LYPLAL1: variants seen among roughly 807,000 people sequenced by gnomAD.
LYPLAL1 encodes the protein lysophospholipase-like protein 1.
A neutral mutation model predicts 19.7 loss-of-function variants in LYPLAL1; 23 were observed. The observed-to-expected ratio is 1.17, with a 90% CI of 0.84 to 1.65. The LOEUF is 1.65. Ranked by LOEUF, LYPLAL1 falls within the 40% of genes most tolerant of loss-of-function variation. The pLI is 0.00. For missense variants in LYPLAL1, 355 were observed against 279.4 expected, an observed-to-expected ratio of 1.27 and a Z score of -1.93; for synonymous variants, 119 against 96.3, an observed-to-expected ratio of 1.24 and a Z score of -1.38.
At chr1:219,294,445 TC>T in the LYPLAL1 span, among the ~76,000 whole-genome samples, 127 of 152,312 alleles carry the variant, frequency 8.3e-4, 3 homozygotes, top group South Asian at 0.025. Context: ...AGACAGAAGC[TC>T]CCAACTGTGG....
At chr1:219,375,104 A>G in the LYPLAL1 span, among the ~76,000 whole-genome samples, 1 of 152,210 alleles carries the variant, frequency 6.6e-6, no homozygotes, top group African/African-American at 2.4e-5. Context: ...AGCTGTTGTC[A>G]ACCAATCTAA....
the LYPLAL1 span, among the ~76,000 whole-genome samples, chr1:219,379,953 G>A: frequency 1.1e-4 from 16 of 152,218 alleles, no homozygotes; most frequent in Non-Finnish European, 1.0e-4. Flanking sequence ...AGGCAGGAAG[G>A]AGGCCCAAAA....
the LYPLAL1 span, among the ~76,000 whole-genome samples, chr1:219,359,738 A>G: frequency 2.0e-5 from 3 of 152,224 alleles, no homozygotes; most frequent in Admixed American, 2.0e-4. Context: ...GATTGTAAAG[A>G]AAAAATGCAA....
intron 3 of LYPLAL1, among the ~76,000 whole-genome samples, chr1:219,202,735 T>C (rs951844605): frequency 4.6e-5 from 7 of 152,104 alleles, no homozygotes; most frequent in African/African-American, 1.7e-4. Context: ...TGAAGTGCAG[T>C]GGCGTGATCA....
chr1:219,181,056 C>T (rs1471333817), intron 2 of LYPLAL1, among the ~76,000 whole-genome samples: 1 of 151,882 alleles, frequency 6.6e-6, no homozygotes, highest in Non-Finnish European at 1.5e-5. Context: ...GTTCTTGATA[C>T]CACATTATAA....
At chr1:219,224,937 A>G in the LYPLAL1 span, among the ~76,000 whole-genome samples, 1 of 151,984 alleles carries the variant, frequency 6.6e-6, no homozygotes, top group Non-Finnish European at 1.5e-5. Context: ...GGTTTGATTA[A>G]CCTCCGATTC....
the LYPLAL1 span, among the ~76,000 whole-genome samples, chr1:219,296,000 T>G: frequency 6.6e-6 from 1 of 152,196 alleles, no homozygotes; most frequent in African/African-American, 2.4e-5. Flanking sequence ...TTTTTCTAAG[T>G]GTGCCTTTTC....
chr1:219,199,707 TG>T (rs1215653782), intron 3 of LYPLAL1, among the ~76,000 whole-genome samples: 2 of 151,282 alleles, frequency 1.3e-5, no homozygotes, highest in Admixed American at 1.3e-4. Context: ...CTCCGCCTCC[TG>T]GGTTCACGCC....
the LYPLAL1 span, among the ~76,000 whole-genome samples, chr1:219,220,273 A>G: frequency 2.6e-5 from 4 of 152,150 alleles, no homozygotes; most frequent in Admixed American, 6.5e-5. Context: ...ATTAGCCATT[A>G]TCTTTTTGAT....
At chr1:219,428,314 G>C in the LYPLAL1 span, among the ~76,000 whole-genome samples, 1 of 152,160 alleles carries the variant, frequency 6.6e-6, no homozygotes, top group Non-Finnish European at 1.5e-5. Context: ...AGTGGAACTC[G>C]AGTTTTGCCA....
rs556662869 is a variant in LYPLAL1 at position 219,200,737 on chromosome 1, C to T, written c.361+7486C>T. Among the ~76,000 whole-genome samples, 4 of 152,314 alleles carry T rather than the reference C, an allele frequency of 2.6e-5. No homozygotes were observed. The South Asian group carries it at 8.3e-4, about 32-fold the overall frequency. On this transcript the variant is annotated intron_variant, in intron 3 of 4. Coordinates refer to ENST00000366928, the MANE Select transcript of LYPLAL1 (RefSeq NM_138794.5). ...CTCTTCCTTGCTTGGATTATTTCCTCTTCAGTATAAAGTTTATCACTTGAT... is the reference window on the plus strand; with the variant it reads ...CTCTTCCTTGCTTGGATTATTTCCTTTTCAGTATAAAGTTTATCACTTGAT...
intron 1 of LYPLAL1, among the ~76,000 whole-genome samples, chr1:219,178,486 T>C (rs1284798985): frequency 1.3e-5 from 2 of 152,204 alleles, no homozygotes; most frequent in African/African-American, 4.8e-5. Context: ...AGTTGTGACC[T>C]TAATTTCCTC....
chr1:219,373,731 C>A, the LYPLAL1 span, among the ~76,000 whole-genome samples: 1 of 151,950 alleles, frequency 6.6e-6, no homozygotes, highest in African/African-American at 2.4e-5. Flanking sequence ...TCTATTATAG[C>A]GAAGTACAGC....
At chr1:219,255,950 T>G in the LYPLAL1 span, among the ~76,000 whole-genome samples, 15 of 152,020 alleles carry the variant, frequency 9.9e-5, no homozygotes, top group Non-Finnish European at 2.2e-4. Context: ...TGATTTCTTT[T>G]ATGCATTACT....
At chr1:219,421,141 C>T in the LYPLAL1 span, among the ~76,000 whole-genome samples, 1 of 152,132 alleles carries the variant, frequency 6.6e-6, no homozygotes, top group East Asian at 1.9e-4. Flanking sequence ...TATTTCACAA[C>T]TTTGGTGAAC....
the LYPLAL1 span, among the ~76,000 whole-genome samples, chr1:219,312,397 C>G: frequency 2.6e-5 from 4 of 152,124 alleles, no homozygotes; most frequent in African/African-American, 7.2e-5. Context: ...CCTCCTCTCC[C>G]TCAAAACAAA....
chr1:219,271,509 G>A, the LYPLAL1 span: 1 of 151,808 alleles, frequency 6.6e-6, no homozygotes, highest in Non-Finnish European at 1.5e-5. Context: ...GCATTGAAGA[G>A]CATTTAAGAA....
At chr1:219,227,244 G>A in the LYPLAL1 span, among the ~76,000 whole-genome samples, 1 of 152,036 alleles carries the variant, frequency 6.6e-6, no homozygotes, top group African/African-American at 2.4e-5. Context: ...TATTCCATTC[G>A]AGAAAAAAAG....
At chr1:219,339,979 G>A in the LYPLAL1 span, among the ~76,000 whole-genome samples, 1 of 151,716 alleles carries the variant, frequency 6.6e-6, no homozygotes, top group Non-Finnish European at 1.5e-5. Context: ...TCCAATGCAG[G>A]AATTTAAAAT....
Sources: gnomAD v4.1 joint callset for allele counts (sites outside exome capture counted in the v4.1 genomes callset) on GRCh38, gnomAD v4.1.1 for gene constraint, MANE v1.5 for transcripts, NCBI Gene and HGNC (gene_info 2026-07-23, HGNC 2026-07-21) for gene names.